EBF1: variants seen among roughly 807,000 people sequenced by gnomAD.
EBF1 encodes the protein EBF transcription factor 1, also known as transcription factor COE1.
A neutral mutation model predicts 68.4 loss-of-function variants in EBF1; 10 were observed. That is an observed-to-expected ratio of 0.15 (90% CI 0.09 to 0.25). The LOEUF (loss-of-function observed/expected upper bound fraction) is 0.25. Ranked by LOEUF, EBF1 falls within the 10% of genes least tolerant of loss-of-function variation. The pLI is 1.00. For missense variants in EBF1, 509 were observed against 794.4 expected (o/e 0.64, Z 4.32); for synonymous variants, 298 against 299.8 (o/e 0.99, Z 0.06).
chr5:159,026,286 T>A (rs1318298834), intron 6 of EBF1, among the ~76,000 whole-genome samples: 1 of 152,168 alleles, frequency 6.6e-6, no homozygotes, highest in Non-Finnish European at 1.5e-5. Flanking sequence ...AGACTGTTTT[T>A]TTTTTTAATA....
chr5:158,825,707 T>A (rs188476611), intron 7 of EBF1, among the ~76,000 whole-genome samples: 27 of 152,092 alleles, frequency 1.8e-4, no homozygotes, highest in Admixed American at 4.6e-4. Flanking sequence ...TGTGATAGAA[T>A]CATTTGGCTG....
At chr5:158,951,906 C>T (rs1816084842) in intron 6 of EBF1, among the ~76,000 whole-genome samples, 3 of 152,276 alleles carry the variant, frequency 2.0e-5, no homozygotes, top group East Asian at 3.9e-4. Flanking sequence ...TAAGCCAGTT[C>T]AACACTGTGC....
intron 6 of EBF1, among the ~76,000 whole-genome samples, chr5:159,052,854 G>A (rs1324228808): frequency 6.6e-6 from 1 of 152,152 alleles, no homozygotes; most frequent in Non-Finnish European, 1.5e-5. Context: ...ATGAAGCCTG[G>A]CACATCTTTT....
chr5:159,000,657 A>C (rs1292799327), intron 6 of EBF1, among the ~76,000 whole-genome samples: 1 of 152,164 alleles, frequency 6.6e-6, no homozygotes, highest in Non-Finnish European at 1.5e-5. Flanking sequence ...CACAACTATG[A>C]GATTGGCAGC....
chr5:158,946,268 G>A (rs149262266), intron 6 of EBF1, among the ~76,000 whole-genome samples: 35 of 152,198 alleles, frequency 2.3e-4, no homozygotes, highest in Middle Eastern at 6.8e-3. Context: ...GAGGCATCCC[G>A]GTTTTTGGCA....
chr5:158,830,041 G>A (rs566087272), intron 7 of EBF1, among the ~76,000 whole-genome samples: 2 of 152,158 alleles, frequency 1.3e-5, no homozygotes, highest in Non-Finnish European at 2.9e-5. Context: ...AATGCAATTT[G>A]ATTGAAAAAT....
chr5:158,956,453 G>T (rs989625874), intron 6 of EBF1, among the ~76,000 whole-genome samples: 1 of 151,300 alleles, frequency 6.6e-6, no homozygotes, highest in African/African-American at 2.4e-5. Context: ...TAGAATGCAC[G>T]CACACATAGA....
chr5:158,857,214 GCT>G (rs1049583384), intron 6 of EBF1, among the ~76,000 whole-genome samples: 2 of 151,508 alleles, frequency 1.3e-5, no homozygotes, highest in Admixed American at 6.6e-5. Flanking sequence ...AAATGCTATG[GCT>G]CTCTCCTGGC....
At chr5:158,995,581 A>T (rs2127623864) in intron 6 of EBF1, among the ~76,000 whole-genome samples, 1 of 152,304 alleles carries the variant, frequency 6.6e-6, no homozygotes, top group Middle Eastern at 3.4e-3. Context: ...AGCCCCGAAC[A>T]GGGCATCCTG....
chr5:158,723,681 T>G (rs1561744512), intron 11 of EBF1, among the ~76,000 whole-genome samples: 1 of 152,182 alleles, frequency 6.6e-6, no homozygotes, highest in Non-Finnish European at 1.5e-5. Flanking sequence ...CTCCACTTAC[T>G]AGCTGCATAA....
intron 15 of EBF1, among the ~76,000 whole-genome samples, chr5:158,701,430 C>T (rs1307136516): frequency 6.6e-6 from 1 of 151,938 alleles, no homozygotes; most frequent in Non-Finnish European, 1.5e-5. Flanking sequence ...TAGATTAAGC[C>T]TCCACTTAGG....
intron 8 of EBF1, among the ~76,000 whole-genome samples, chr5:158,821,070 G>A (rs890955487): frequency 1.1e-4 from 17 of 152,294 alleles, no homozygotes; most frequent in African/African-American, 3.1e-4. Flanking sequence ...GCACCAGAGC[G>A]TGTACTTGCC....
intron 6 of EBF1, among the ~76,000 whole-genome samples, chr5:159,065,439 T>A (rs373247923): frequency 3.3e-5 from 5 of 151,994 alleles, no homozygotes; most frequent in Admixed American, 1.3e-4. Flanking sequence ...AAATACCCTA[T>A]CATTTTACTT....
At chr5:158,962,192 C>G (rs1365110400) in intron 6 of EBF1, among the ~76,000 whole-genome samples, 6 of 152,140 alleles carry the variant, frequency 3.9e-5, no homozygotes. Flanking sequence ...ACTAGCCCAT[C>G]CCATAAATGT....
intron 6 of EBF1, 129 bp from the exon 7 acceptor site, chr5:158,840,239 T>TA (rs1789909938): frequency 1.5e-6 from 1 of 674,870 alleles, no homozygotes. Context: ...AGCATGGTGT[T>TA]AGAGCCAATA....
At chr5:159,016,403 T>TTAAA (rs1270695614) in intron 6 of EBF1, among the ~76,000 whole-genome samples, 1 of 152,166 alleles carries the variant, frequency 6.6e-6, no homozygotes, top group Non-Finnish European at 1.5e-5. Context: ...CTCTCATAAA[T>TTAAA]TAAACTTCTT....
intron 10 of EBF1, among the ~76,000 whole-genome samples, chr5:158,756,977 GAAAAAAA>G (rs112061808): frequency 8.0e-6 from 1 of 124,820 alleles, no homozygotes; most frequent in African/African-American, 3.0e-5. Flanking sequence ...CCCTCATGCT[GAAAAAAA>G]AAAAAAAAAG....
chr5:158,938,336 C>T (rs1391266604), intron 6 of EBF1, among the ~76,000 whole-genome samples: 2 of 152,310 alleles, frequency 1.3e-5, no homozygotes, highest in Admixed American at 1.3e-4. Context: ...TCACCTTTCA[C>T]CCCCCTCCTC....
At chr5:159,034,742 T>G (rs1404947515) in intron 6 of EBF1, among the ~76,000 whole-genome samples, 1 of 152,212 alleles carries the variant, frequency 6.6e-6, no homozygotes, top group Admixed American at 6.5e-5. Context: ...CCTGCAGATT[T>G]CTTTGTCCTG....
Sources: allele counts gnomAD v4.1 joint callset (sites outside exome capture counted in the v4.1 genomes callset), GRCh38; gene constraint gnomAD v4.1.1; transcripts MANE v1.5; gene names NCBI Gene and HGNC (gene_info 2026-07-23, HGNC 2026-07-21).